SYTL2: variants seen among roughly 807,000 people sequenced by gnomAD.
SYTL2 encodes synaptotagmin like 2.
A neutral mutation model predicts 198.7 loss-of-function variants in SYTL2; 165 were observed. The observed-to-expected ratio is 0.83, with a 90% confidence interval of 0.73 to 0.94. The LOEUF is 0.94. Among genes scored for constraint, SYTL2 ranks in the 40% least tolerant of loss-of-function variants. The pLI is 0.00. For missense variants in SYTL2, 2,835 were observed against 2,582.8 expected (o/e 1.10, Z -2.12); for synonymous variants, 966 against 917.7 (o/e 1.05, Z -0.95).
chr11:85,828,542 T>G, the SYTL2 span, among the ~76,000 whole-genome samples: 1 of 152,220 alleles, frequency 6.6e-6, no homozygotes, highest in South Asian at 2.1e-4. Flanking sequence ...ACTATTTACA[T>G]TCTCTGTCTA....
chr11:85,773,882 G>A (rs1269906481), intron 1 of SYTL2, among the ~76,000 whole-genome samples: 1 of 152,106 alleles, frequency 6.6e-6, no homozygotes. Flanking sequence ...ATTTGTCCCT[G>A]AAAAACCTCT....
intron 2 of SYTL2, among the ~76,000 whole-genome samples, chr11:85,756,848 C>T (rs1015208607): frequency 2.6e-5 from 4 of 152,168 alleles, no homozygotes; most frequent in Admixed American, 6.5e-5. Context: ...AAGAACATAT[C>T]TTATGCTCCT....
chr11:85,839,280 C>T, the SYTL2 span, among the ~76,000 whole-genome samples: 1 of 152,168 alleles, frequency 6.6e-6, no homozygotes, highest in Non-Finnish European at 1.5e-5. Flanking sequence ...GTCTTATTCA[C>T]TCTTTCTAAC....
intron 7 of SYTL2, among the ~76,000 whole-genome samples, chr11:85,733,190 A>G (rs2089982393): frequency 6.6e-6 from 1 of 152,232 alleles, no homozygotes; most frequent in South Asian, 2.1e-4. Flanking sequence ...AAGAAAGTGA[A>G]GGTTCTCTTG....
chr11:85,835,623 C>A, the SYTL2 span, among the ~76,000 whole-genome samples: 1 of 152,140 alleles, frequency 6.6e-6, no homozygotes, highest in African/African-American at 2.4e-5. Context: ...AATCTTTCTA[C>A]TCCATTGTTT....
At chr11:85,817,897 C>CTTTTTTTTTTTTTTTTTT in the SYTL2 span, among the ~76,000 whole-genome samples, 5 of 119,872 alleles carry the variant, frequency 4.2e-5, 2 homozygotes, top group Non-Finnish European at 3.4e-5. Flanking sequence ...ACCTTTGTGT[C>CTTTTTTTTTTTTTTTTTT]TTTTCTTTTT....
chr11:85,782,655 T>G (rs1459989918), intron 1 of SYTL2, among the ~76,000 whole-genome samples: 1 of 152,240 alleles, frequency 6.6e-6, no homozygotes, highest in African/African-American at 2.4e-5. Context: ...CTGAATGCTT[T>G]TAACAGCATT....
At chr11:85,719,333 GC>G (rs1397685848) in intron 9 of SYTL2, 1 of 1,153,072 alleles carries the variant, frequency 8.7e-7, no homozygotes, top group East Asian at 6.2e-5. Context: ...ATCTTGGCAG[GC>G]TAGTGTGAGA....
At chr11:85,795,922 A>T (rs2092797590) in intron 1 of SYTL2, among the ~76,000 whole-genome samples, 1 of 152,226 alleles carries the variant, frequency 6.6e-6, no homozygotes, top group South Asian at 2.1e-4. Flanking sequence ...ACACAAGCAC[A>T]GAGCATACAC....
chr11:85,747,551 T>A (rs1418733026), intron 3 of SYTL2, among the ~76,000 whole-genome samples: 1 of 152,164 alleles, frequency 6.6e-6, no homozygotes, highest in South Asian at 2.1e-4. Flanking sequence ...CCCCCCTCTT[T>A]TGACTTTCAC....
chr11:85,817,908 T>C, the SYTL2 span, among the ~76,000 whole-genome samples: 2 of 148,170 alleles, frequency 1.3e-5, no homozygotes, highest in Non-Finnish European at 3.0e-5. Flanking sequence ...TTTTCTTTTT[T>C]TTTTTTTTTT....
At chr11:85,753,388 T>C (rs1476953079) in intron 2 of SYTL2, among the ~76,000 whole-genome samples, 1 of 152,026 alleles carries the variant, frequency 6.6e-6, no homozygotes, top group Non-Finnish European at 1.5e-5. Flanking sequence ...GTCCAGTACT[T>C]GTGGCTACAG....
chr11:85,757,752 G>T lies in SYTL2; in HGVS notation c.-27C>A. 1 of 1,607,264 alleles carries T rather than the reference G, an allele frequency of 6.2e-7. No homozygotes were observed. The highest frequency in any genetic ancestry group is 1.1e-5 in the South Asian group (1 of 91,060). On this transcript the variant is annotated 5_prime_UTR_variant, in exon 2 of 20. Transcript: ENST00000359152. The stretch of plus-strand genomic sequence containing the variant: ...TTGAAAAGTGCATGCAAAAATAATA[G>T]CAACAAATGTGGCTCAAAATTCTCA...
At chr11:85,829,074 TGTTTTA>T in the SYTL2 span, among the ~76,000 whole-genome samples, 1 of 152,066 alleles carries the variant, frequency 6.6e-6, no homozygotes, top group East Asian at 1.9e-4. Context: ...TTTGTTTGTT[TGTTTTA>T]TAGTTTCAAC....
intron 7 of SYTL2, among the ~76,000 whole-genome samples, chr11:85,730,794 A>G (rs749491605): frequency 7.9e-5 from 12 of 152,176 alleles, no homozygotes; most frequent in Non-Finnish European, 1.5e-4. Flanking sequence ...GGAAGAGAGG[A>G]GGTCAAATTG....
intron 13 of SYTL2, among the ~76,000 whole-genome samples, chr11:85,709,918 A>G (rs1211939717): frequency 6.6e-6 from 1 of 152,140 alleles, no homozygotes; most frequent in African/African-American, 2.4e-5. Flanking sequence ...CCTGACCTCA[A>G]GTAATCTGCC....
chr11:85,838,702 C>T, the SYTL2 span, among the ~76,000 whole-genome samples: 2 of 152,264 alleles, frequency 1.3e-5, no homozygotes, highest in African/African-American at 4.8e-5. Context: ...GATTCACCCC[C>T]GTGACCCAAA....
At position 85,695,346 on chromosome 11, in the gene SYTL2, A is replaced by G; in HGVS notation, c.6575-6T>C. On this transcript the variant is annotated splice_region_variant and splice_polypyrimidine_tract_variant and intron_variant, in intron 19 of 19. Coordinates refer to ENST00000359152, the MANE Select transcript of SYTL2 (RefSeq NM_206927.4). ...TTCAGTCCCATAACTTTTACCTGAA[A>G]AAAGGAAGCTTTGCATTTAGAAAGA... 6.5e-7 allele frequency: 1 copy of G among 1,543,554 alleles called. No individual in the cohort carries two copies. Among genetic ancestry groups the G allele is most frequent in the Admixed American group, 2.0e-5 (1 of 49,398 alleles).
chr11:85,761,612 T>G (rs1451323595), intron 1 of SYTL2, among the ~76,000 whole-genome samples: 1 of 152,202 alleles, frequency 6.6e-6, no homozygotes, highest in Non-Finnish European at 1.5e-5. Context: ...CTTCTACACA[T>G]GTGGCGCTGT....
Sources: gnomAD v4.1 joint callset for allele counts (sites outside exome capture counted in the v4.1 genomes callset) on GRCh38, gnomAD v4.1.1 for gene constraint, MANE v1.5 for transcripts, NCBI Gene and HGNC (gene_info 2026-07-23, HGNC 2026-07-21) for gene names.